Variants in LDLRAD4 observed in about 807,000 individuals in gnomAD.
LDLRAD4 encodes the protein low-density lipoprotein receptor class A domain-containing protein 4.
A neutral mutation model predicts 17.0 loss-of-function variants in LDLRAD4; 5 were observed. The observed-to-expected ratio is 0.29, with a 90% confidence interval of 0.15 to 0.62. The LOEUF is 0.62. Among genes scored for constraint, LDLRAD4 ranks in the 20% least tolerant of loss-of-function variants. The pLI, the probability that LDLRAD4 is intolerant of heterozygous loss-of-function variation, is 0.84. For missense variants in LDLRAD4, 340 were observed against 424.7 expected, an observed-to-expected ratio of 0.80 and a Z score of 1.75; for synonymous variants, 168 against 171.8, an observed-to-expected ratio of 0.98 and a Z score of 0.17.
In LDLRAD4 at chr18:13,621,097, A is replaced by G. The variant is rs139853786; in HGVS notation, c.182-20A>G. ...GACTGGAGGGGCCAGGTGGCTAACC[A>G]CTCTCCTCTTCCATGGCAGCGGAGC... On this transcript the variant is annotated intron_variant, in intron 3 of 5. Coordinates refer to ENST00000359446, the Ensembl canonical transcript of LDLRAD4. The surrounding 1 kb of genome is among the most constrained non-coding windows in gnomAD (Gnocchi z 5.5). 5.5e-4 allele frequency: 887 copies of G among 1,613,710 alleles called. 4 individuals are homozygous for G. The African/African-American group carries it at 9.9e-3, about 18-fold the overall frequency.
rs1267685089 is a variant in LDLRAD4, at chr18:13,518,372, C to T, written c.181+79988C>T. On this transcript the variant is annotated intron_variant, in intron 3 of 5. Coordinates refer to ENST00000359446, the Ensembl canonical transcript of LDLRAD4. Reference sequence around the variant, plus strand: ...GTTTCTTGTATTATATTCTTCATTCCAGAAGCTGTATCTGTTCTTTTCAAA... The same window carrying T: ...GTTTCTTGTATTATATTCTTCATTCTAGAAGCTGTATCTGTTCTTTTCAAA... 2.6e-5 allele frequency among the ~76,000 whole-genome samples: 4 copies of T among 152,184 alleles called. No individual in the cohort carries two copies. In the East Asian group the frequency reaches 7.7e-4, roughly 29 times the overall value.
Position 13,398,592 on chromosome 18 carries a change from T to G in LDLRAD4, c.40+10830T>G, listed in dbSNP as rs2086893261. Among the ~76,000 whole-genome samples, 1 of 151,652 alleles carries G rather than the reference T, an allele frequency of 6.6e-6. No individual in the cohort carries two copies. Among genetic ancestry groups the G allele is most frequent in the South Asian group, 2.1e-4 (1 of 4,768 alleles). ...GTGGGTGGGTAACGAGGGTCTCAGTTTTGGCTTAAGGACAGGTTTCGAAGG... is the reference window on the plus strand; with the variant it reads ...GTGGGTGGGTAACGAGGGTCTCAGTGTTGGCTTAAGGACAGGTTTCGAAGG... On this transcript the variant is annotated intron_variant, in intron 2 of 5. Transcript: ENST00000359446. This position sits in a 1 kb window ranked among gnomAD's most constrained non-coding sequence, Gnocchi z 4.8.
intron 1 of LDLRAD4, among the ~76,000 whole-genome samples, chr18:13,226,757 A>G (rs1333056589): frequency 6.6e-6 from 1 of 152,016 alleles, no homozygotes; most frequent in East Asian, 1.9e-4. Context: ...ATAAAATAAA[A>G]TAGAATTAAA....
At chr18:13,648,412 G>C in exon 6 of LDLRAD4, 1 of 152,174 alleles carries the variant, frequency 6.6e-6, no homozygotes, top group East Asian at 1.9e-4. Context: ...TTCGAGGCTG[G>C]GGCTCTGTAA....
At position 13,318,688 on chromosome 18, in the gene LDLRAD4, G is replaced by A. The variant is rs75325867; in HGVS notation, c.-383+40500G>A. 2.5e-3 allele frequency among the ~76,000 whole-genome samples: 385 copies of A among 152,232 alleles called. 1 individual carries two copies. Among genetic ancestry groups the A allele is most frequent in the Non-Finnish European group, 3.9e-3 (267 of 68,014 alleles). On this transcript the variant is annotated intron_variant, in intron 1 of 5. Transcript: ENST00000359446. ...CTCTTAATGTGCCGCTAGGCATTCC[G>A]GGGATTTCAAAGCCAGTGGACGGGA...
chr18:13,345,050 A>G (rs893702654), intron 1 of LDLRAD4, among the ~76,000 whole-genome samples: 4 of 152,144 alleles, frequency 2.6e-5, no homozygotes, highest in South Asian at 4.2e-4. Context: ...GACTTCCTCT[A>G]TTCCTAATTG....
chr18:13,431,492 G>C (rs970709147), intron 2 of LDLRAD4, among the ~76,000 whole-genome samples: 1 of 152,210 alleles, frequency 6.6e-6, no homozygotes, highest in Non-Finnish European at 1.5e-5. Flanking sequence ...TTGATGGAAA[G>C]TTGGGTGATT....
At chr18:13,579,151 C>T (rs1366417233) in intron 3 of LDLRAD4, among the ~76,000 whole-genome samples, 3 of 151,988 alleles carry the variant, frequency 2.0e-5, no homozygotes, top group Non-Finnish European at 2.9e-5. Flanking sequence ...GATCGCACCA[C>T]TGTACTCCAG....
intron 1 of LDLRAD4, among the ~76,000 whole-genome samples, chr18:13,321,860 TCAAAAAAAAAAAAAA>T (rs1291269205): frequency 1.3e-4 from 3 of 22,642 alleles, no homozygotes; most frequent in Non-Finnish European, 2.3e-4. Context: ...AGACTCCGTC[TCAAAAAAAAAAAAAA>T]AAAAAAAAAA....
chr18:13,333,411 AATTTTAATG>A, intron 1 of LDLRAD4, among the ~76,000 whole-genome samples: 2 of 152,288 alleles, frequency 1.3e-5, no homozygotes, highest in Admixed American at 1.3e-4. Flanking sequence ...AGAAGTCTTT[AATTTTAATG>A]AAGTCTAGGT....
intron 1 of LDLRAD4, among the ~76,000 whole-genome samples, chr18:13,299,528 C>T (rs1195300614): frequency 6.6e-6 from 1 of 152,142 alleles, no homozygotes; most frequent in Non-Finnish European, 1.5e-5. Context: ...AGTGGGAAGA[C>T]CAGGCTGGTG....
intron 2 of LDLRAD4, among the ~76,000 whole-genome samples, chr18:13,421,938 C>A (rs1230594288): frequency 6.6e-6 from 1 of 152,242 alleles, no homozygotes; most frequent in Non-Finnish European, 1.5e-5. Context: ...CAGTCACTGA[C>A]TCCTTAGACC....
chr18:13,517,613 G>A (rs1283980113), intron 3 of LDLRAD4, among the ~76,000 whole-genome samples: 1 of 152,246 alleles, frequency 6.6e-6, no homozygotes, highest in Non-Finnish European at 1.5e-5. Context: ...GGCACACGTG[G>A]GGTTCCTGGA....
intron 1 of LDLRAD4, among the ~76,000 whole-genome samples, chr18:13,320,166 C>A (rs534570341): frequency 6.6e-6 from 1 of 152,114 alleles, no homozygotes; most frequent in East Asian, 1.9e-4. Flanking sequence ...TTTTATACAT[C>A]GTTTCTGTTT....
At chr18:13,482,950 G>A (rs975483636) in intron 3 of LDLRAD4, among the ~76,000 whole-genome samples, 2 of 152,162 alleles carry the variant, frequency 1.3e-5, no homozygotes, top group African/African-American at 2.4e-5. Context: ...TAAGACAAAT[G>A]CATTCCTTCC....
At chr18:13,579,153 G>C (rs1394979726) in intron 3 of LDLRAD4, among the ~76,000 whole-genome samples, 1 of 151,984 alleles carries the variant, frequency 6.6e-6, no homozygotes, top group Non-Finnish European at 1.5e-5. Context: ...TCGCACCACT[G>C]TACTCCAGCC....
upstream of LDLRAD4, among the ~76,000 whole-genome samples, chr18:13,277,420 G>A (rs774330934): frequency 8.5e-5 from 13 of 152,342 alleles, no homozygotes; most frequent in African/African-American, 2.4e-4. Context: ...CACCTGGGAC[G>A]GTGCGATGCC....
intron 1 of LDLRAD4, among the ~76,000 whole-genome samples, chr18:13,375,433 A>AGT (rs1365488428): frequency 6.6e-6 from 1 of 152,048 alleles, no homozygotes; most frequent in East Asian, 1.9e-4. Context: ...TTTCGATAGG[A>AGT]GTGATGTCTC....
chr18:13,401,975 C>T (rs138108455), intron 2 of LDLRAD4, among the ~76,000 whole-genome samples: 273 of 152,238 alleles, frequency 1.8e-3, no homozygotes, highest in African/African-American at 5.9e-3. Flanking sequence ...CCTCCTTATC[C>T]GGGACGATGG....
Sources: allele counts gnomAD v4.1 joint callset (sites outside exome capture counted in the v4.1 genomes callset), GRCh38; gene constraint gnomAD v4.1.1; non-coding constraint Gnocchi (gnomAD v3.1); transcripts MANE v1.5; gene names NCBI Gene and HGNC (gene_info 2026-07-23, HGNC 2026-07-21).